Variants in PIGK observed in about 807,000 individuals in gnomAD.
PIGK encodes the protein phosphatidylinositol glycan anchor biosynthesis class K.
Under a neutral mutation model 50.6 loss-of-function variants are expected in PIGK, and 42 were observed. That is an observed-to-expected ratio of 0.83 (90% confidence interval 0.65 to 1.07). The LOEUF (loss-of-function observed/expected upper bound fraction) is 1.07. Among genes scored for constraint, PIGK ranks in the 50% least tolerant of loss-of-function variants. The pLI is 0.00. For synonymous variants in PIGK, 151 were observed against 156.0 expected (o/e 0.97, Z 0.24); for missense variants, 448 against 488.7 (o/e 0.92, Z 0.78).
Position 77,161,776 on chromosome 1 carries a change from C to A in PIGK, c.585-65G>T. ...TGTAAATCATACACTAATATTTCTA[C>A]AATACTTTTGTAAGATGTTTAAATC... On this transcript the variant is annotated intron_variant, in intron 6 of 10. Coordinates refer to ENST00000370812, the MANE Select transcript of PIGK (RefSeq NM_005482.3). 4.0e-6 allele frequency: 3 copies of A among 751,646 alleles called. 1 individual carries two copies. The South Asian group carries it at 4.4e-5, about 11-fold the overall frequency. 46.6% of individuals were successfully genotyped at this position (751,646 alleles called of 1,614,324 possible).
At chr1:77,158,594 AT>A (rs1655065452) in intron 8 of PIGK, among the ~76,000 whole-genome samples, 1 of 152,174 alleles carries the variant, frequency 6.6e-6, no homozygotes, top group Admixed American at 6.5e-5. Flanking sequence ...GTGGACTCAG[AT>A]GGAGATGAGG....
intron 9 of PIGK, among the ~76,000 whole-genome samples, chr1:77,147,715 G>A (rs973193051): frequency 9.9e-5 from 15 of 152,222 alleles, no homozygotes; most frequent in Non-Finnish European, 7.3e-5. Flanking sequence ...GCCAGCCTAT[G>A]TATACTACGA....
Position 77,116,081 on chromosome 1 carries a change from A to T in PIGK, c.1071+6194T>A, listed in dbSNP as rs148498611. ...AGTTTTTTAAAGCATACATGGGTTTATGGCTTTGTTTACACGGAGCCTCTG... is the reference window on the plus strand; with the variant it reads ...AGTTTTTTAAAGCATACATGGGTTTTTGGCTTTGTTTACACGGAGCCTCTG... On this transcript the variant is annotated intron_variant, in intron 10 of 10. Transcript: ENST00000370812. Among the ~76,000 whole-genome samples the T allele has an allele frequency of 2.1e-3, 322 of 152,310 alleles. 1 individual carries two copies. The highest frequency in any genetic ancestry group is 7.1e-3 in the African/African-American group (295 of 41,574).
chr1:77,175,965 G>A (rs557058230), intron 3 of PIGK, among the ~76,000 whole-genome samples: 1 of 152,090 alleles, frequency 6.6e-6, no homozygotes, highest in South Asian at 2.1e-4. Context: ...GTGAAATTTG[G>A]CTCTCCCTGA....
chr1:77,211,782 A>G (rs1009846065), intron 1 of PIGK, among the ~76,000 whole-genome samples: 8 of 151,218 alleles, frequency 5.3e-5, no homozygotes, highest in African/African-American at 1.5e-4. Flanking sequence ...ACACCCATAA[A>G]GATTGCTGAG....
intron 1 of PIGK, among the ~76,000 whole-genome samples, chr1:77,212,006 C>T (rs1488324101): frequency 1.3e-5 from 2 of 151,888 alleles, no homozygotes; most frequent in African/African-American, 2.4e-5. Flanking sequence ...ATTCAGTATC[C>T]ATTCTTACTA....
intron 10 of PIGK, among the ~76,000 whole-genome samples, chr1:77,110,462 T>G (rs1653811895): frequency 6.6e-6 from 1 of 152,074 alleles, no homozygotes; most frequent in African/African-American, 2.4e-5. Context: ...ACCACACATC[T>G]ACAACCATCT....
intron 3 of PIGK, among the ~76,000 whole-genome samples, chr1:77,199,311 A>G (rs1229264252): frequency 6.6e-6 from 1 of 152,126 alleles, no homozygotes; most frequent in East Asian, 1.9e-4. Context: ...ATATGTGAAT[A>G]AAATGACAGA....
chr1:77,113,902 C>A (rs539928119), intron 10 of PIGK, among the ~76,000 whole-genome samples: 2 of 152,212 alleles, frequency 1.3e-5, no homozygotes, highest in East Asian at 3.9e-4. Flanking sequence ...CTCTTCATAT[C>A]TCTACATGTC....
intron 3 of PIGK, among the ~76,000 whole-genome samples, chr1:77,186,949 T>A (rs1052586697): frequency 5.3e-5 from 8 of 152,234 alleles, no homozygotes; most frequent in African/African-American, 1.9e-4. Context: ...CCCACTGGAA[T>A]AAACACTTAC....
chr1:77,176,015 T>G (rs1655479317), intron 3 of PIGK, among the ~76,000 whole-genome samples: 1 of 152,084 alleles, frequency 6.6e-6, no homozygotes, highest in South Asian at 2.1e-4. Context: ...ATAAAAAAAT[T>G]TTGTTTGCCT....
chr1:77,211,973 A>C (rs1357778248), intron 1 of PIGK, among the ~76,000 whole-genome samples: 2 of 152,142 alleles, frequency 1.3e-5, no homozygotes, highest in African/African-American at 4.8e-5. Flanking sequence ...ACATAAGTTA[A>C]TATGCTTCCT....
chr1:77,090,620 C>G lies in PIGK; in HGVS notation c.*1754G>C, dbSNP rs1026928895. On this transcript the variant is annotated 3_prime_UTR_variant, in exon 11 of 11. Transcript: ENST00000370812. ...AAACTAAATTACTTTGGCTCAAGAACAATCATAATTCCTTTACCACCCTAA... is the reference window on the plus strand; with the variant it reads ...AAACTAAATTACTTTGGCTCAAGAAGAATCATAATTCCTTTACCACCCTAA... 3.9e-5 allele frequency: 6 copies of G among 152,212 alleles called. No individual in the cohort carries two copies. Among genetic ancestry groups the G allele is most frequent in the Non-Finnish European group, 8.8e-5 (6 of 68,034 alleles). The allele number at this position is 152,212 out of a possible 1,614,324, so 9.4% of individuals were successfully genotyped here.
chr1:77,132,532 T>A (rs1311499555), intron 9 of PIGK, among the ~76,000 whole-genome samples: 1 of 152,018 alleles, frequency 6.6e-6, no homozygotes, highest in Non-Finnish European at 1.5e-5. Flanking sequence ...CCTTTGACCT[T>A]ATTATTGTCA....
chr1:77,116,562 CTGTGTGTGTGTG>C (rs763119489), intron 10 of PIGK, among the ~76,000 whole-genome samples: 2 of 134,982 alleles, frequency 1.5e-5, no homozygotes, highest in Non-Finnish European at 3.1e-5. Context: ...AAATGTGTCT[CTGTGTGTGTGTG>C]TGTGTGTGTG....
At chr1:77,094,890 AAATC>A (rs1477377510) in intron 10 of PIGK, among the ~76,000 whole-genome samples, 1 of 152,142 alleles carries the variant, frequency 6.6e-6, no homozygotes, top group Non-Finnish European at 1.5e-5. Context: ...AACAAAGAGA[AAATC>A]AAAGTGCTAT....
chr1:77,172,070 A>ATTTTTTTTT (rs34115617), intron 3 of PIGK, among the ~76,000 whole-genome samples: 10 of 130,922 alleles, frequency 7.6e-5, no homozygotes, highest in Non-Finnish European at 1.4e-4. Flanking sequence ...TCTACATTTA[A>ATTTTTTTTT]TTTTTTTTTT....
intron 9 of PIGK, among the ~76,000 whole-genome samples, chr1:77,130,365 T>TTTATCTTTAATCCATTTGTA (rs1411250708): frequency 6.0e-5 from 9 of 151,248 alleles, no homozygotes; most frequent in Non-Finnish European, 1.0e-4. Flanking sequence ...TTTTTGCATT[T>TTTATCTTTAATCCATTTGTA]TTATCTTTAA....
intron 10 of PIGK, among the ~76,000 whole-genome samples, chr1:77,119,387 G>A (rs1285742173): frequency 6.6e-6 from 1 of 152,090 alleles, no homozygotes; most frequent in African/African-American, 2.4e-5. Flanking sequence ...TCTCTTCACT[G>A]CTGTGACAGA....
Sources: allele counts gnomAD v4.1 joint callset (sites outside exome capture counted in the v4.1 genomes callset), GRCh38; gene constraint gnomAD v4.1.1; transcripts MANE v1.5; gene names NCBI Gene and HGNC (gene_info 2026-07-23, HGNC 2026-07-21).